CTNND2: variants seen among roughly 807,000 people sequenced by gnomAD.
CTNND2 encodes the protein catenin delta 2.
In CTNND2, 22 loss-of-function variants were observed where a neutral mutation model predicts 144.4. That is an observed-to-expected ratio of 0.15 (90% CI 0.11 to 0.22). The LOEUF is 0.22. CTNND2 is among the 10% of genes least tolerant of loss of function. The probability of loss-of-function intolerance (pLI) is 1.00; values close to 1 mark genes in which losing one functional copy is unlikely to be tolerated. For synonymous variants in CTNND2, 751 were observed against 695.6 expected (o/e 1.08, Z -1.25); for missense variants, 1,353 against 1,618.8 (o/e 0.84, Z 2.82).
chr5:11,747,281 T>G (rs1788365544), intron 1 of CTNND2, among the ~76,000 whole-genome samples: 1 of 152,170 alleles, frequency 6.6e-6, no homozygotes, highest in African/African-American at 2.4e-5. Context: ...AAACTAACAG[T>G]AGATTGAGCC....
chr5:11,374,775 CTTTT>C (rs56327510), intron 7 of CTNND2, among the ~76,000 whole-genome samples: 4 of 99,380 alleles, frequency 4.0e-5, no homozygotes, highest in Admixed American at 1.1e-4. Context: ...TCCCAATCTA[CTTTT>C]TTTTTTTTTT....
rs116969385 is a variant in CTNND2, at chr5:11,436,890, C to T, written c.288-24821G>A. On this transcript the variant is annotated intron_variant, in intron 3 of 21. Transcript: ENST00000304623. ...TGGTATTTTATTAGTTAATTAGTCACGCCTTAAAATGTTAACTTACAAATG... is the reference window on the plus strand; with the variant it reads ...TGGTATTTTATTAGTTAATTAGTCATGCCTTAAAATGTTAACTTACAAATG... Among the ~76,000 whole-genome samples, 96 of 152,244 alleles carry T rather than the reference C, an allele frequency of 6.3e-4. No individual in the cohort carries two copies. In the East Asian group the frequency reaches 0.012, roughly 19 times the overall value.
intron 10 of CTNND2, among the ~76,000 whole-genome samples, chr5:11,232,937 T>C (rs1741202936): frequency 6.6e-6 from 1 of 152,136 alleles, no homozygotes; most frequent in African/African-American, 2.4e-5. Context: ...TGATAGTGAG[T>C]GAGTTCTCAC....
intron 20 of CTNND2, among the ~76,000 whole-genome samples, chr5:10,984,138 T>C (rs887619622): frequency 6.6e-6 from 1 of 152,308 alleles, no homozygotes; most frequent in East Asian, 1.9e-4. Flanking sequence ...TGCTGGGAAC[T>C]TGTTATACTG....
chr5:11,209,654 T>C (rs1738416086), intron 10 of CTNND2, among the ~76,000 whole-genome samples: 1 of 152,246 alleles, frequency 6.6e-6, no homozygotes, highest in East Asian at 1.9e-4. Flanking sequence ...TATAAGATAC[T>C]GCTTCAGCTT....
chr5:11,618,630 T>C (rs1465995677), intron 2 of CTNND2, among the ~76,000 whole-genome samples: 1 of 152,202 alleles, frequency 6.6e-6, no homozygotes, highest in East Asian at 1.9e-4. Flanking sequence ...CTCTTATTTT[T>C]CCACACCTCT....
At chr5:11,158,047 C>G (rs945583680) in intron 12 of CTNND2, among the ~76,000 whole-genome samples, 5 of 152,182 alleles carry the variant, frequency 3.3e-5, no homozygotes, top group African/African-American at 1.2e-4. Context: ...TATATCCTTT[C>G]AAACACCACG....
rs1781693587 is a variant in CTNND2 at position 11,636,152 on chromosome 5, A to G, written c.175-71096T>C. 2.6e-5 allele frequency among the ~76,000 whole-genome samples: 4 copies of G among 151,944 alleles called. No homozygotes were observed. In the South Asian group the frequency reaches 8.3e-4, roughly 32 times the overall value. The stretch of plus-strand genomic sequence containing the variant: ...ACCATAAACAATCCTAGGAGACATG[A>G]GCTGTTTATTTTGTATATTGTACTT... On this transcript the variant is annotated intron_variant, in intron 2 of 21. Transcript: ENST00000304623.
At chr5:10,999,347 T>C (rs1001416417) in intron 18 of CTNND2, among the ~76,000 whole-genome samples, 4 of 152,206 alleles carry the variant, frequency 2.6e-5, no homozygotes, top group Non-Finnish European at 4.4e-5. Flanking sequence ...AATCACTGTA[T>C]TTTCTTGTTA....
chr5:11,868,531 G>A (rs1038022188), intron 1 of CTNND2, among the ~76,000 whole-genome samples: 3 of 152,094 alleles, frequency 2.0e-5, no homozygotes, highest in African/African-American at 7.2e-5. Flanking sequence ...CAAATGACTT[G>A]AATAGACATT....
intron 2 of CTNND2, among the ~76,000 whole-genome samples, chr5:11,640,964 G>A (rs749555935): frequency 1.2e-4 from 19 of 152,004 alleles, no homozygotes; most frequent in Admixed American, 2.6e-4. Context: ...TGAGTATATC[G>A]TTCATTCCCC....
intron 2 of CTNND2, among the ~76,000 whole-genome samples, chr5:11,569,607 C>T (rs1014383865): frequency 1.1e-4 from 17 of 151,994 alleles, no homozygotes; most frequent in Non-Finnish European, 1.9e-4. Flanking sequence ...GAAAACTCAT[C>T]GCCATAGTTT....
At chr5:11,186,364 T>C (rs1211322189) in intron 11 of CTNND2, among the ~76,000 whole-genome samples, 2 of 152,220 alleles carry the variant, frequency 1.3e-5, no homozygotes, top group Non-Finnish European at 2.9e-5. Flanking sequence ...TCAGTAACAG[T>C]TGCTTACTGC....
At chr5:10,975,874 A>G (rs1187116481) in intron 21 of CTNND2, among the ~76,000 whole-genome samples, 1 of 152,230 alleles carries the variant, frequency 6.6e-6, no homozygotes, top group Non-Finnish European at 1.5e-5. Flanking sequence ...TCTTTTGCAC[A>G]ACCTCGTTCA....
intron 1 of CTNND2, among the ~76,000 whole-genome samples, chr5:11,890,854 T>C (rs1298415267): frequency 6.6e-6 from 1 of 152,160 alleles, no homozygotes; most frequent in Non-Finnish European, 1.5e-5. Context: ...TAGAGCCTAA[T>C]AAACCCAGGG....
At chr5:11,825,126 T>C (rs1348629317) in intron 1 of CTNND2, among the ~76,000 whole-genome samples, 1 of 151,646 alleles carries the variant, frequency 6.6e-6, no homozygotes, top group Non-Finnish European at 1.5e-5. Flanking sequence ...TACCAGGAAA[T>C]AAAAAAATAA....
chr5:11,508,728 A>T (rs943672570), intron 3 of CTNND2, among the ~76,000 whole-genome samples: 2 of 152,200 alleles, frequency 1.3e-5, no homozygotes, highest in African/African-American at 4.8e-5. Context: ...CCTGGCCAAC[A>T]TGGTGAAACC....
chr5:11,595,950 T>C (rs1421835311), intron 2 of CTNND2, among the ~76,000 whole-genome samples: 1 of 152,244 alleles, frequency 6.6e-6, no homozygotes, highest in African/African-American at 2.4e-5. Context: ...ATATATATTC[T>C]TTCCAAATAA....
At chr5:11,443,253 CTGTGTGTGGTGTGTGTGTGGTA>C in intron 3 of CTNND2, among the ~76,000 whole-genome samples, 1 of 65,602 alleles carries the variant, frequency 1.5e-5, no homozygotes, top group South Asian at 5.8e-4. Flanking sequence ...TGTGTGTGTG[CTGTGTGTGGTGTGTGTGTGGTA>C]TGTGTGCATG....
Sources: allele counts gnomAD v4.1 joint callset (sites outside exome capture counted in the v4.1 genomes callset), GRCh38; gene constraint gnomAD v4.1.1; transcripts MANE v1.5; gene names NCBI Gene and HGNC (gene_info 2026-07-23, HGNC 2026-07-21).